Variants in COL8A1 observed in about 807,000 individuals in gnomAD.
COL8A1 encodes collagen alpha-1(VIII) chain.
Under a neutral mutation model 42.7 loss-of-function variants are expected in COL8A1, and 21 were observed. The observed-to-expected ratio is 0.49, with a 90% CI of 0.35 to 0.71. The LOEUF is 0.71. Among genes scored for constraint, COL8A1 ranks in the 30% least tolerant of loss-of-function variants. COL8A1 has a pLI of 0.01. For synonymous variants in COL8A1, 367 were observed against 369.1 expected, an observed-to-expected ratio of 0.99 and a Z score of 0.06; for missense variants, 788 against 962.4, an observed-to-expected ratio of 0.82 and a Z score of 2.40.
intron 2 of COL8A1, among the ~76,000 whole-genome samples, chr3:99,756,202 A>G (rs532262817): frequency 8.9e-4 from 135 of 152,054 alleles, no homozygotes; most frequent in African/African-American, 3.1e-3. Context: ...AGCTTGGGGT[A>G]GAATCATTTT....
intron 1 of COL8A1, among the ~76,000 whole-genome samples, chr3:99,722,472 T>G (rs957403001): frequency 6.6e-6 from 1 of 152,124 alleles, no homozygotes; most frequent in Non-Finnish European, 1.5e-5. Context: ...TATATTAAAA[T>G]ATGTAAGTTA....
intron 1 of COL8A1, among the ~76,000 whole-genome samples, chr3:99,731,348 T>C (rs1940503620): frequency 6.6e-6 from 1 of 152,084 alleles, no homozygotes; most frequent in African/African-American, 2.4e-5. Flanking sequence ...AGGAAGAGCA[T>C]TATAGACAGA....
chr3:99,678,121 T>C (rs1938755999), intron 1 of COL8A1: 1 of 152,098 alleles, frequency 6.6e-6, no homozygotes, highest in Non-Finnish European at 1.5e-5. Context: ...TCACTCCCAC[T>C]TGTGGCTGTG....
intron 2 of COL8A1, among the ~76,000 whole-genome samples, chr3:99,774,212 A>G (rs1941648221): frequency 6.6e-6 from 1 of 151,212 alleles, no homozygotes; most frequent in African/African-American, 2.4e-5. Flanking sequence ...TTGTGTTAGA[A>G]GCCGGAACAA....
intron 2 of COL8A1, among the ~76,000 whole-genome samples, chr3:99,786,842 G>A (rs554861275): frequency 2.6e-5 from 4 of 152,106 alleles, no homozygotes; most frequent in Non-Finnish European, 4.4e-5. Flanking sequence ...TTTTCTTTGA[G>A]AGGCATGGAA....
chr3:99,782,626 A>G (rs1374136891), intron 2 of COL8A1, among the ~76,000 whole-genome samples: 1 of 152,152 alleles, frequency 6.6e-6, no homozygotes, highest in Non-Finnish European at 1.5e-5. Context: ...ACCTGACCTC[A>G]GGTGATCCGC....
At chr3:99,764,655 G>A (rs116778257) in intron 2 of COL8A1, among the ~76,000 whole-genome samples, 2,004 of 150,258 alleles carry the variant, frequency 0.013, 44 homozygotes, top group African/African-American at 0.046. Context: ...AATAATTATG[G>A]TAGTAGCTTT....
At chr3:99,763,400 C>A (rs1480344440) in intron 2 of COL8A1, among the ~76,000 whole-genome samples, 1 of 152,122 alleles carries the variant, frequency 6.6e-6, no homozygotes, top group African/African-American at 2.4e-5. Flanking sequence ...ATAGGCTGTG[C>A]ACCTCCTGCC....
intron 1 of COL8A1, among the ~76,000 whole-genome samples, chr3:99,727,834 A>G (rs1346973101): frequency 2.6e-5 from 4 of 152,136 alleles, no homozygotes; most frequent in Admixed American, 1.3e-4. Context: ...AGGCTGGTTC[A>G]ACATACACAA....
Position 99,795,395 on chromosome 3 carries a change from T to C in COL8A1, c.1494T>C (p.Gly498=). ...ATCAGGGTTTACAGGGCCCCCCAGG[T>C]ATCCCAGGGATTGGGGGCCCTAGTG... ...PGDQGLQGPP[G]IPGIGGPSGP... The change falls in exon 4 of 4, where the codon GGT becomes GGC. Residue 498 remains glycine (G), a synonymous_variant. Transcript: ENST00000652472. 1 of 1,557,386 alleles carries C rather than the reference T, an allele frequency of 6.4e-7. No homozygotes were observed. Among genetic ancestry groups the C allele is most frequent in the South Asian group, 1.2e-5 (1 of 85,058 alleles).
chr3:99,795,818 G>A lies in COL8A1; in HGVS notation c.1917G>A (p.Leu639=). ...CCCCAGTGAAGTTTAACAAACTGCT[G>A]TATAACGGCAGACAGAACTACAACC... The part of the protein sequence containing the change: ...VGAPVKFNKL[L]YNGRQNYNPQ... Residue 639 remains leucine, a synonymous_variant, in exon 4 of 4, where the codon CTG becomes CTA. Transcript: ENST00000652472. The A allele has an allele frequency of 6.2e-7, 1 of 1,614,206 alleles. No individual in the cohort carries two copies. Among genetic ancestry groups the A allele is most frequent in the South Asian group, 1.1e-5 (1 of 91,080 alleles).
intron 2 of COL8A1, among the ~76,000 whole-genome samples, chr3:99,766,705 T>C (rs1376403283): frequency 6.6e-6 from 1 of 152,166 alleles, no homozygotes; most frequent in Non-Finnish European, 1.5e-5. Flanking sequence ...ATCCCAGCAC[T>C]TTGGGAGGCC....
At chr3:99,786,206 C>T (rs1330736859) in intron 2 of COL8A1, among the ~76,000 whole-genome samples, 1 of 152,180 alleles carries the variant, frequency 6.6e-6, no homozygotes, top group Non-Finnish European at 1.5e-5. Flanking sequence ...CGGAGCTCTT[C>T]CACTCTGTCA....
chr3:99,723,682 T>C (rs73860420), intron 1 of COL8A1, among the ~76,000 whole-genome samples: 1 of 152,232 alleles, frequency 6.6e-6, no homozygotes, highest in African/African-American at 2.4e-5. Flanking sequence ...GCAAATCTCT[T>C]AGAAAAACCT....
At position 99,796,878 on chromosome 3, in the gene COL8A1, G is replaced by T. The variant is rs1354106279; in HGVS notation, c.*742G>T. 6.6e-6 allele frequency: 1 copy of T among 152,200 alleles called. No homozygotes were observed. Among genetic ancestry groups the T allele is most frequent in the African/African-American group, 2.4e-5 (1 of 41,452 alleles). 9.4% of individuals were successfully genotyped at this position (152,200 alleles called of 1,614,324 possible). The stretch of plus-strand genomic sequence containing the variant: ...AGCATTAGACAGTAACCCTCAAGGA[G>T]CTAGAGAACCGGATGGGAGACATGA... On this transcript the variant is annotated 3_prime_UTR_variant, in exon 4 of 4. Coordinates refer to ENST00000652472, the MANE Select transcript of COL8A1 (RefSeq NM_020351.4).
chr3:99,725,800 A>G (rs577195834), intron 1 of COL8A1, among the ~76,000 whole-genome samples: 1 of 151,826 alleles, frequency 6.6e-6, no homozygotes, highest in Non-Finnish European at 1.5e-5. Flanking sequence ...ACATTTTCTT[A>G]ATCCAGTCTA....
At chr3:99,754,076 T>A (rs996784803) in intron 2 of COL8A1, among the ~76,000 whole-genome samples, 2 of 152,210 alleles carry the variant, frequency 1.3e-5, no homozygotes, top group East Asian at 3.8e-4. Context: ...TTTTATTAAG[T>A]ATACACTGAA....
intron 1 of COL8A1, among the ~76,000 whole-genome samples, chr3:99,725,870 A>G (rs991328179): frequency 1.3e-5 from 2 of 152,156 alleles, no homozygotes; most frequent in Admixed American, 1.3e-4. Context: ...TGCCGCAATA[A>G]ACATACGTGT....
At chr3:99,733,555 A>C (rs998073111) in intron 1 of COL8A1, among the ~76,000 whole-genome samples, 1 of 151,902 alleles carries the variant, frequency 6.6e-6, no homozygotes, top group African/African-American at 2.4e-5. Flanking sequence ...TCATTGTTGG[A>C]CGTTTGGGTT....
Sources: allele counts gnomAD v4.1 joint callset (sites outside exome capture counted in the v4.1 genomes callset), GRCh38; gene constraint gnomAD v4.1.1; transcripts MANE v1.5; gene names NCBI Gene and HGNC (gene_info 2026-07-23, HGNC 2026-07-21).